Variants in CD5 observed in about 807,000 individuals in gnomAD.
CD5 encodes T-cell surface glycoprotein CD5.
CD5 carries 36 observed loss-of-function variants against 60.3 expected under a neutral mutation model. The observed-to-expected ratio is 0.60, with a 90% CI of 0.46 to 0.79. The LOEUF is 0.79. Ranked by LOEUF, CD5 falls within the 30% of genes least tolerant of loss-of-function variation. The pLI, the probability that CD5 is intolerant of heterozygous loss-of-function variation, is 0.00. For synonymous variants in CD5, 230 were observed against 257.6 expected (o/e 0.89, Z 1.03); for missense variants, 540 against 630.6 (o/e 0.86, Z 1.54).
Position 61,119,264 on chromosome 11 carries a change from C to A in CD5, c.494C>A (p.Ser165Tyr). The change falls in exon 5 of 11, where the codon TCT (serine) becomes TAT (tyrosine). Residue 165 changes from serine (S) to tyrosine (Y), a missense_variant. Transcript: ENST00000347785. ...APPRLQLVAQSGGQHCAGVVE... is the reference protein window; with the variant it reads ...APPRLQLVAQYGGQHCAGVVE... ...CCCAGGCTGCAGCTGGTGGCACAGTCTGGCGGCCAGCACTGTGCCGGCGTG... is the reference window on the plus strand; with the variant it reads ...CCCAGGCTGCAGCTGGTGGCACAGTATGGCGGCCAGCACTGTGCCGGCGTG... 6.2e-7 allele frequency: 1 copy of A among 1,610,958 alleles called. No homozygotes were observed. Among genetic ancestry groups the A allele is most frequent in the South Asian group, 1.1e-5 (1 of 90,764 alleles).
Position 61,117,008 on chromosome 11 carries a change from G to A in CD5, c.95-1167G>A, listed in dbSNP as rs559511700. On this transcript the variant is annotated intron_variant, in intron 2 of 10. Coordinates refer to ENST00000347785, the MANE Select transcript of CD5 (RefSeq NM_014207.4). Reference sequence around the variant, plus strand: ...TCCTAGGTATTTACCCAAGAGAAATGGAAACGCCCACACAAAGACCTGTAT... The same window carrying A: ...TCCTAGGTATTTACCCAAGAGAAATAGAAACGCCCACACAAAGACCTGTAT... Among the ~76,000 whole-genome samples the A allele has an allele frequency of 8.5e-5, 13 of 152,324 alleles. No individual in the cohort carries two copies. In the South Asian group the frequency reaches 2.7e-3, roughly 32 times the overall value.
At chr11:61,125,632 T>A in intron 9 of CD5, 119 bp from the exon 10 acceptor site, 1 of 599,914 alleles carries the variant, frequency 1.7e-6, no homozygotes, top group East Asian at 2.9e-5. Context: ...AGATAAGGGG[T>A]TGTCACCGGC....
At chr11:61,093,982 G>A in the CD5 span, among the ~76,000 whole-genome samples, 45 of 152,062 alleles carry the variant, frequency 3.0e-4, no homozygotes, top group African/African-American at 3.9e-4. Context: ...TGATGCTCCC[G>A]GCTGAATAAA....
upstream of CD5, among the ~76,000 whole-genome samples, chr11:61,099,959 GTCAACATGGAGATCACATTCACACACA>G (rs1860639016): frequency 5.1e-5 from 5 of 98,414 alleles, no homozygotes. Context: ...ACACACACTC[GTCAACATGGAGATCACATTCACACACA>G]TCAACATGGA....
rs1056958568 is a variant in CD5 at position 61,118,881 on chromosome 11, C to T, written c.401-34C>T. 3.2e-6 allele frequency: 5 copies of T among 1,573,736 alleles called. No homozygotes were observed. The African/African-American group carries it at 5.4e-5, about 17-fold the overall frequency. On this transcript the variant is annotated intron_variant, in intron 3 of 10. Coordinates refer to ENST00000347785, the MANE Select transcript of CD5 (RefSeq NM_014207.4). This position sits in a 1 kb window ranked among gnomAD's most constrained non-coding sequence, Gnocchi z 4.7. ...GCTGCCCCCGGCCCTCCCCACACCA[C>T]CCATTCCTCCCTCACCAGAGTGTCT...
intron 5 of CD5, among the ~76,000 whole-genome samples, chr11:61,120,950 G>C (rs1861050036): frequency 6.6e-6 from 1 of 152,222 alleles, no homozygotes; most frequent in Non-Finnish European, 1.5e-5. Context: ...TATGGGAACT[G>C]GGCAAAGCTG....
At chr11:61,094,315 T>C in the CD5 span, among the ~76,000 whole-genome samples, 1 of 152,154 alleles carries the variant, frequency 6.6e-6, no homozygotes, top group African/African-American at 2.4e-5. Flanking sequence ...AACTGAAACT[T>C]GGTAAGACTA....
Position 61,104,218 on chromosome 11 carries a change from G to A in CD5, c.55+1603G>A, listed in dbSNP as rs186879973. 3.4e-4 allele frequency among the ~76,000 whole-genome samples: 51 copies of A among 152,206 alleles called. 1 individual carries two copies. The highest frequency in any genetic ancestry group is 9.2e-4 in the African/African-American group (38 of 41,508). On this transcript the variant is annotated intron_variant, in intron 1 of 10. Transcript: ENST00000347785. ...GTGTGTGCTTTCATGAGCACAATGC[G>A]GCCTCCAAAGGCAGGATTATCTCCC...
rs1170343343 is a variant in CD5, at chr11:61,119,328, C to T, written c.558C>T (p.Ser186=). 4 of 1,613,954 alleles carry T rather than the reference C, an allele frequency of 2.5e-6. No individual in the cohort carries two copies. In the Admixed American group the frequency reaches 5.0e-5, roughly 20 times the overall value. The change falls in exon 5 of 11, where the codon AGC becomes AGT. Residue 186 remains serine (S), a synonymous_variant. Transcript: ENST00000347785. ...GCGGCAGCCTGGGGGGTACCATCAG[C>T]TATGAGGCCCAGGACAAGACCCAGG... The part of the protein sequence containing the change: ...FYSGSLGGTI[S]YEAQDKTQDL...
rs200326779 is a variant in CD5, at chr11:61,122,877, G to C, written c.1100-30G>C. ...CACAGTTTTTCTCCCCCCAGGACTG[G>C]GACTGACCTAACTCTTCCTCCTTCC... On this transcript the variant is annotated intron_variant, in intron 6 of 10. Transcript: ENST00000347785. 5 of 1,596,802 alleles carry C rather than the reference G, an allele frequency of 3.1e-6. No individual in the cohort carries two copies. The South Asian group carries it at 5.6e-5, about 18-fold the overall frequency.
At chr11:61,119,185 A>T in intron 4 of CD5, 49 bp from the exon 5 acceptor site, 1 of 1,486,194 alleles carries the variant, frequency 6.7e-7, no homozygotes, top group Non-Finnish European at 9.1e-7. Context: ...GTGCCCAGGA[A>T]GCCCTCGGCG....
chr11:61,096,889 T>C, the CD5 span, among the ~76,000 whole-genome samples: 2,454 of 152,294 alleles, frequency 0.016, 77 homozygotes, highest in African/African-American at 0.054. Context: ...AAGCAGTATC[T>C]GGTTCCCAGA....
At chr11:61,102,365 G>T, upstream of CD5, 1 of 595,124 alleles carries the variant, frequency 1.7e-6, no homozygotes. Flanking sequence ...ACAGGGGCAG[G>T]TGGTTTTGCC....
chr11:61,113,361 C>A lies in CD5; in HGVS notation c.56-1695C>A, dbSNP rs527789486. ...CAGATGAGCTGCTCTGCTGAGAGCCCCGCAATGGGCAACTTTGCCCCCACT... is the reference window on the plus strand; with the variant it reads ...CAGATGAGCTGCTCTGCTGAGAGCCACGCAATGGGCAACTTTGCCCCCACT... On this transcript the variant is annotated intron_variant, in intron 1 of 10. Transcript: ENST00000347785. Among the ~76,000 whole-genome samples the A allele has an allele frequency of 7.9e-5, 12 of 152,334 alleles. 2 individuals are homozygous for A. The highest frequency in any genetic ancestry group is 2.9e-4 in the African/African-American group (12 of 41,578).
chr11:61,117,343 TA>T (rs928700937), intron 2 of CD5, among the ~76,000 whole-genome samples: 14 of 152,208 alleles, frequency 9.2e-5, no homozygotes, highest in Non-Finnish European at 4.4e-5. Context: ...AAATTAACTA[TA>T]AAGGGGCCTT....
chr11:61,118,395 C>G lies in CD5; in HGVS notation c.315C>G (p.Ile105Met). 1 of 1,614,248 alleles carries G rather than the reference C, an allele frequency of 6.2e-7. No individual in the cohort carries two copies. Among genetic ancestry groups the G allele is most frequent in the Non-Finnish European group, 8.5e-7 (1 of 1,180,032 alleles). The change falls in exon 3 of 11, where the codon ATC becomes ATG. Residue 105 changes from isoleucine to methionine, a missense_variant. By Grantham distance (10) the Ile-to-Met change is conservative (BLOSUM62 1). Coordinates refer to ENST00000347785, the MANE Select transcript of CD5 (RefSeq NM_014207.4). The surrounding 1 kb of genome is among the most constrained non-coding windows in gnomAD (Gnocchi z 4.7). ...TCACCTACACACCTCAGAGCTCAAT[C>G]ATCTGCTACGGACAACTGGGCTCCT... ...FLVTYTPQSS[I>M]ICYGQLGSFS...
chr11:61,120,342 C>T (rs1157098787), intron 5 of CD5, among the ~76,000 whole-genome samples: 6 of 152,150 alleles, frequency 3.9e-5, no homozygotes, highest in Admixed American at 2.6e-4. Context: ...CTGTACTTAC[C>T]GAGAGCTTAC....
chr11:61,095,787 G>C, the CD5 span, among the ~76,000 whole-genome samples: 3 of 152,330 alleles, frequency 2.0e-5, no homozygotes, highest in South Asian at 6.2e-4. Context: ...CCAAGGAAAA[G>C]AGGAGAGTCC....
upstream of CD5, chr11:61,102,277 G>A: frequency 2.0e-6 from 1 of 506,074 alleles, no homozygotes; most frequent in Non-Finnish European, 3.6e-6. Context: ...CTTGTCCTGT[G>A]TGGGGGTGGC....
Sources: gnomAD v4.1 joint callset for allele counts (sites outside exome capture counted in the v4.1 genomes callset) on GRCh38, gnomAD v4.1.1 for gene constraint, Gnocchi (gnomAD v3.1) non-coding constraint, MANE v1.5 for transcripts, NCBI Gene and HGNC (gene_info 2026-07-23, HGNC 2026-07-21) for gene names.